The following SVEP1 variants were observed in gnomAD, a reference collection of about 807,000 sequenced individuals.
SVEP1 encodes sushi, von Willebrand factor type A, EGF and pentraxin domain containing 1.
A neutral mutation model predicts 367.3 loss-of-function variants in SVEP1; 164 were observed. The ratio of observed to expected loss-of-function variants is 0.45; its 90% CI spans 0.39 to 0.51. The LOEUF (loss-of-function observed/expected upper bound fraction) is 0.51. Among genes scored for constraint, SVEP1 ranks in the 20% least tolerant of loss-of-function variants. SVEP1 has a pLI of 0.00. For missense variants in SVEP1, 4,117 were observed against 4,425.3 expected (o/e 0.93, Z 1.98); for synonymous variants, 1,666 against 1,611.6 (o/e 1.03, Z -0.81).
intron 7 of SVEP1, among the ~76,000 whole-genome samples, chr9:110,497,447 C>T (rs983730412): frequency 6.6e-6 from 1 of 152,184 alleles, no homozygotes; most frequent in African/African-American, 2.4e-5. Context: ...TGAATTTTCT[C>T]CCCCAATAGA....
chr9:110,367,278 G>C (rs891184189), intron 47 of SVEP1, among the ~76,000 whole-genome samples: 1 of 152,172 alleles, frequency 6.6e-6, no homozygotes, highest in Non-Finnish European at 1.5e-5. Context: ...TCCCACCTCA[G>C]CCTCCTCAGT....
chr9:110,461,008 T>A (rs1469387612), intron 18 of SVEP1, among the ~76,000 whole-genome samples: 1 of 152,230 alleles, frequency 6.6e-6, no homozygotes, highest in Non-Finnish European at 1.5e-5. Flanking sequence ...ACTTGCTTGT[T>A]TTTTGTATTC....
chr9:110,520,447 G>A (rs1402280086), intron 3 of SVEP1, among the ~76,000 whole-genome samples: 2 of 152,098 alleles, frequency 1.3e-5, no homozygotes, highest in African/African-American at 4.8e-5. Flanking sequence ...TTCTTTTGTT[G>A]TTGTTAAAAT....
chr9:110,441,531 T>C (rs550886907), intron 27 of SVEP1, among the ~76,000 whole-genome samples: 119 of 152,334 alleles, frequency 7.8e-4, no homozygotes, highest in African/African-American at 2.8e-3. Flanking sequence ...AGATGTTGCC[T>C]TACTGGCTGG....
chr9:110,485,390 C>G (rs1475702862), intron 9 of SVEP1, among the ~76,000 whole-genome samples: 2 of 151,902 alleles, frequency 1.3e-5, no homozygotes, highest in Non-Finnish European at 2.9e-5. Flanking sequence ...AATGAGAACA[C>G]ATGGAAACAG....
intron 46 of SVEP1, among the ~76,000 whole-genome samples, chr9:110,371,514 A>G (rs1452933653): frequency 1.3e-5 from 2 of 152,058 alleles, no homozygotes; most frequent in African/African-American, 4.8e-5. Context: ...GGGAACCTAA[A>G]CTATCATCCA....
intron 36 of SVEP1, among the ~76,000 whole-genome samples, chr9:110,422,930 T>G: frequency 9.1e-6 from 1 of 109,916 alleles, no homozygotes; most frequent in Admixed American, 9.6e-5. Flanking sequence ...TGAGATCACA[T>G]GGACACAGGA....
intron 36 of SVEP1, 69 bp downstream of exon 36, chr9:110,427,522 C>T: frequency 6.6e-7 from 1 of 1,520,342 alleles, no homozygotes; most frequent in Non-Finnish European, 8.8e-7. Context: ...CAATGGAGCC[C>T]ATCTCTGCAG....
rs1392218613 is a variant in SVEP1, at chr9:110,401,009, G to C, written c.9667C>G (p.Leu3223Val). The stretch of plus-strand genomic sequence containing the variant: ...AATGGTGGCTCCCAGGTTCCATCAA[G>C]CTAAGTGACAAATAACAAAATGTAA... Reference protein sequence around the residue: ...FEGVNISVCQLDGTWEPPFSD... With the variant: ...FEGVNISVCQVDGTWEPPFSD... The change falls in exon 40 of 48, where the codon CTT (leucine) becomes GTT (valine). Residue 3223 changes from leucine (L) to valine (V), a missense_variant and splice_region_variant. By Grantham distance (32) the Leu-to-Val change is conservative. Coordinates refer to ENST00000374469, the MANE Select transcript of SVEP1 (RefSeq NM_153366.4). 6.2e-7 allele frequency: 1 copy of C among 1,612,830 alleles called. No individual in the cohort carries two copies. Among genetic ancestry groups the C allele is most frequent in the Non-Finnish European group, 8.5e-7 (1 of 1,179,672 alleles).
chr9:110,447,007 T>C lies in SVEP1; in HGVS notation c.4154A>G (p.Asn1385Ser), dbSNP rs770241274. The C allele has an allele frequency of 4.0e-5, 62 of 1,543,652 alleles. 1 individual carries two copies. The highest frequency in any genetic ancestry group is 3.2e-4 in the East Asian group (13 of 40,744). ...FTGSHCELNI[N>S]ECQSNPCRNQ... ...TCTACATGGATTAGACTGACATTCA[T>C]TGATGTTCAATTCACAGTGTGATCC... The change falls in exon 25 of 48, where the codon AAT becomes AGT. Residue 1385 changes from asparagine (N) to serine (S), a missense_variant. Coordinates refer to ENST00000374469, the MANE Select transcript of SVEP1 (RefSeq NM_153366.4).
rs189289352 is a variant in SVEP1, at chr9:110,405,098, A to G, written c.9441-546T>C. ...TTATCCACATGAAAAGTTAATCAAG[A>G]CTAAAATTACTTTAAGTGTTTTTGA... On this transcript the variant is annotated intron_variant, in intron 38 of 47. Coordinates refer to ENST00000374469, the MANE Select transcript of SVEP1 (RefSeq NM_153366.4). Among the ~76,000 whole-genome samples, 3 of 152,208 alleles carry G rather than the reference A, an allele frequency of 2.0e-5. No homozygotes were observed. In the East Asian group the frequency reaches 5.8e-4, roughly 29 times the overall value.
chr9:110,481,299 C>A lies in SVEP1; in HGVS notation c.2308G>T (p.Ala770Ser), dbSNP rs937587068. Residue 770 changes from alanine (A) to serine (S), a missense_variant, in exon 12 of 48, where the codon GCT becomes TCT. Ala to Ser is a moderately conservative substitution (Grantham distance 99, BLOSUM62 1). Coordinates refer to ENST00000374469, the MANE Select transcript of SVEP1 (RefSeq NM_153366.4). The stretch of plus-strand genomic sequence containing the variant: ...GGTTTCCAGACGCCATCTTCATAAG[C>A]ACAATAATACTTGTCAGTAGACCCT... ...TEGSTDKYYC[A>S]YEDGVWKPTY... 1.2e-6 allele frequency: 2 copies of A among 1,606,338 alleles called. No homozygotes were observed. Among genetic ancestry groups the A allele is most frequent in the East Asian group, 4.5e-5 (2 of 44,718 alleles).
intron 3 of SVEP1, among the ~76,000 whole-genome samples, chr9:110,543,743 T>A (rs1368442908): frequency 3.3e-5 from 5 of 152,118 alleles, no homozygotes; most frequent in Non-Finnish European, 4.4e-5. Flanking sequence ...GACTACAGCA[T>A]CCAGCAAAGA....
At chr9:110,508,470 G>A (rs866676113) in intron 5 of SVEP1, among the ~76,000 whole-genome samples, 1 of 152,104 alleles carries the variant, frequency 6.6e-6, no homozygotes, top group African/African-American at 2.4e-5. Context: ...AGAAAGAAAT[G>A]CAGAATTCTG....
chr9:110,406,316 A>C lies in SVEP1; in HGVS notation c.9284T>G (p.Val3095Gly), dbSNP rs1324069455. 1 of 1,614,050 alleles carries C rather than the reference A, an allele frequency of 6.2e-7. No individual in the cohort carries two copies. Among genetic ancestry groups the C allele is most frequent in the Non-Finnish European group, 8.5e-7 (1 of 1,179,902 alleles). ...AATCAGATCTGAACTGCCTTGTATGACATATCCAGACCTGCAGCTGTAAGT... is the reference window on the plus strand; with the variant it reads ...AATCAGATCTGAACTGCCTTGTATGCCATATCCAGACCTGCAGCTGTAAGT... ...VITYSCRSGY[V>G]IQGSSDLICT... is the part of the protein sequence containing the mutation. Residue 3095 changes from valine to glycine, a missense_variant, in exon 38 of 48, where the codon GTC becomes GGC. Physicochemically the swap from Val to Gly is moderately radical, Grantham distance 109. Transcript: ENST00000374469.
In SVEP1 at chr9:110,406,947, C is replaced by A; in HGVS notation, c.8653G>T (p.Asp2885Tyr). The change falls in exon 38 of 48, where the codon GAC becomes TAC. Residue 2885 changes from aspartate (D) to tyrosine (Y), a missense_variant. This residue lies in a region of SVEP1 where 1,765 missense variants were observed against 1,781.1 expected (regional missense o/e 0.99). Coordinates refer to ENST00000374469, the MANE Select transcript of SVEP1 (RefSeq NM_153366.4). Reference sequence around the variant, plus strand: ...GTGGCACATCTGACAGGCACACAGTCGGGAGTGGCTCCACTCCAACTTCCA... The same window carrying A: ...GTGGCACATCTGACAGGCACACAGTAGGGAGTGGCTCCACTCCAACTTCCA... Reference protein sequence around the residue: ...ANGSWSGATPDCVPVRCATPP... With the variant: ...ANGSWSGATPYCVPVRCATPP... The A allele has an allele frequency of 1.2e-6, 2 of 1,613,838 alleles. No homozygotes were observed. Among genetic ancestry groups the A allele is most frequent in the Non-Finnish European group, 1.7e-6 (2 of 1,179,854 alleles).
chr9:110,441,440 C>T (rs1447628552), intron 27 of SVEP1, among the ~76,000 whole-genome samples: 1 of 152,128 alleles, frequency 6.6e-6, no homozygotes, highest in Non-Finnish European at 1.5e-5. Context: ...CTTCTCTGCC[C>T]TCTCCTCATA....
At chr9:110,435,475 G>A in intron 28 of SVEP1, 111 bp from the exon 29 acceptor site, 2 of 1,259,744 alleles carry the variant, frequency 1.6e-6, no homozygotes, top group Admixed American at 2.2e-5. Context: ...AGAGATGGGG[G>A]TGGAGGGAAG....
At chr9:110,396,616 A>AG (rs1827765349) in intron 40 of SVEP1, among the ~76,000 whole-genome samples, 2 of 149,462 alleles carry the variant, frequency 1.3e-5, no homozygotes, top group African/African-American at 4.9e-5. Context: ...ACTAATAAGA[A>AG]AAGAGAGAAG....
Sources: allele counts gnomAD v4.1 joint callset (sites outside exome capture counted in the v4.1 genomes callset), GRCh38; gene constraint gnomAD v4.1.1; regional missense constraint gnomAD v4.1.1; transcripts MANE v1.5; gene names NCBI Gene and HGNC (gene_info 2026-07-23, HGNC 2026-07-21).